Variants in SYT16 observed in about 807,000 individuals in gnomAD.
SYT16 encodes synaptotagmin-16.
In SYT16, 42 loss-of-function variants were observed where a neutral mutation model predicts 61.4. That is an observed-to-expected ratio of 0.68 (90% CI 0.53 to 0.89). The LOEUF (loss-of-function observed/expected upper bound fraction) is 0.89. Ranked by LOEUF, SYT16 falls within the 40% of genes least tolerant of loss-of-function variation. The pLI is 0.00. For missense variants in SYT16, 804 were observed against 807.3 expected (o/e 1.00, Z 0.05); for synonymous variants, 314 against 302.3 (o/e 1.04, Z -0.40).
At chr14:62,054,630 G>A (rs986642999) in intron 3 of SYT16, among the ~76,000 whole-genome samples, 9 of 152,028 alleles carry the variant, frequency 5.9e-5, no homozygotes, top group Non-Finnish European at 8.8e-5. Context: ...CCAAAGTGCT[G>A]GGATTACAGA....
intron 1 of SYT16, among the ~76,000 whole-genome samples, chr14:61,829,161 CTTG>C (rs1245342800): frequency 2.0e-5 from 3 of 152,088 alleles, no homozygotes; most frequent in Admixed American, 6.5e-5. Context: ...TTTTAGTAGA[CTTG>C]TTGGCATTCT....
At chr14:62,016,122 C>T (rs544291919) in intron 3 of SYT16, among the ~76,000 whole-genome samples, 54 of 152,242 alleles carry the variant, frequency 3.5e-4, no homozygotes, top group Admixed American at 9.8e-4. Context: ...TCTGGCAACA[C>T]CTCCTGAGCA....
chr14:61,911,949 C>G (rs2048951077), intron 1 of SYT16, among the ~76,000 whole-genome samples: 1 of 152,146 alleles, frequency 6.6e-6, no homozygotes, highest in South Asian at 2.1e-4. Context: ...TGTATTATTG[C>G]TGTAATTTAC....
At chr14:61,842,020 G>A (rs995242147) in intron 1 of SYT16, among the ~76,000 whole-genome samples, 4 of 151,790 alleles carry the variant, frequency 2.6e-5, no homozygotes, top group Non-Finnish European at 2.9e-5. Flanking sequence ...TTAATCTGTC[G>A]CAGGCTTTAA....
chr14:62,017,062 T>C (rs1351792462), intron 3 of SYT16, among the ~76,000 whole-genome samples: 1 of 152,220 alleles, frequency 6.6e-6, no homozygotes, highest in East Asian at 1.9e-4. Flanking sequence ...GAGGAGAACA[T>C]GCCCAAAGAA....
chr14:62,088,402 G>A (rs1423086920), intron 7 of SYT16, among the ~76,000 whole-genome samples: 2 of 152,186 alleles, frequency 1.3e-5, no homozygotes, highest in Non-Finnish European at 2.9e-5. Context: ...GAGAAAAAAA[G>A]CAAAGGAGTG....
intron 3 of SYT16, among the ~76,000 whole-genome samples, chr14:62,069,247 G>C (rs1404798594): frequency 6.6e-6 from 1 of 152,200 alleles, no homozygotes; most frequent in East Asian, 1.9e-4. Flanking sequence ...CTGCATATAA[G>C]GCAAATGTGC....
chr14:62,007,417 C>T (rs976410491), intron 3 of SYT16, among the ~76,000 whole-genome samples: 1 of 152,118 alleles, frequency 6.6e-6, no homozygotes, highest in African/African-American at 2.4e-5. Context: ...TATTCTGTGG[C>T]TGATTCAGAA....
chr14:62,056,925 G>C (rs2055584931), intron 3 of SYT16, among the ~76,000 whole-genome samples: 1 of 152,186 alleles, frequency 6.6e-6, no homozygotes, highest in South Asian at 2.1e-4. Context: ...AGCGAGCAGG[G>C]GGCACGGGAT....
intron 7 of SYT16, among the ~76,000 whole-genome samples, chr14:62,084,804 A>G (rs560294341): frequency 1.3e-5 from 2 of 152,190 alleles, no homozygotes; most frequent in Non-Finnish European, 2.9e-5. Flanking sequence ...ATCCTGTGCA[A>G]TTTATCCCTT....
At chr14:61,848,166 C>A (rs188184307) in intron 1 of SYT16, among the ~76,000 whole-genome samples, 242 of 152,238 alleles carry the variant, frequency 1.6e-3, no homozygotes, top group Non-Finnish European at 2.6e-3. Context: ...TTGTAGTCTT[C>A]ACTCTCTGGG....
intron 3 of SYT16, among the ~76,000 whole-genome samples, chr14:62,056,951 G>A (rs2055586810): frequency 6.6e-6 from 1 of 152,252 alleles, no homozygotes; most frequent in African/African-American, 2.4e-5. Context: ...GAGGCTCTTC[G>A]GGAGGCATGA....
At chr14:61,917,235 G>T (rs1327152382) in intron 1 of SYT16, among the ~76,000 whole-genome samples, 1 of 152,154 alleles carries the variant, frequency 6.6e-6, no homozygotes, top group Non-Finnish European at 1.5e-5. Flanking sequence ...TCCTTGCATG[G>T]ATGTCTATTG....
At chr14:61,816,697 CTCTT>C (rs934809690) in intron 1 of SYT16, among the ~76,000 whole-genome samples, 3 of 152,120 alleles carry the variant, frequency 2.0e-5, no homozygotes, top group African/African-American at 7.2e-5. Context: ...CTGCAGAGAG[CTCTT>C]TCTTTCTTAG....
chr14:61,970,995 G>A (rs573398778), intron 2 of SYT16, among the ~76,000 whole-genome samples: 2 of 151,912 alleles, frequency 1.3e-5, no homozygotes, highest in African/African-American at 4.8e-5. Context: ...CGAGGTATGG[G>A]GCATGATGTA....
intron 3 of SYT16, among the ~76,000 whole-genome samples, chr14:62,038,002 C>T (rs369362896): frequency 4.6e-4 from 70 of 152,250 alleles, no homozygotes; most frequent in African/African-American, 1.7e-3. Flanking sequence ...AGAGTCAATA[C>T]TGTTGATTAA....
At chr14:61,829,239 T>A (rs2045862909) in intron 1 of SYT16, among the ~76,000 whole-genome samples, 1 of 150,500 alleles carries the variant, frequency 6.6e-6, no homozygotes. Context: ...CACTTCCTTC[T>A]GGCCTCTATG....
chr14:62,078,172 A>ACACACACACACACACAC (rs2056576554), intron 5 of SYT16, among the ~76,000 whole-genome samples: 6 of 128,780 alleles, frequency 4.7e-5, no homozygotes, highest in Admixed American at 2.3e-4. Context: ...TATATATATA[A>ACACACACACACACACAC]ACACACACAC....
intron 3 of SYT16, among the ~76,000 whole-genome samples, chr14:62,016,539 CAAAAAAAAAAAAA>C (rs10610233): frequency 1.0e-5 from 1 of 97,298 alleles, no homozygotes; most frequent in East Asian, 2.7e-4. Flanking sequence ...TCTAAAAATA[CAAAAAAAAAAAAA>C]AAAAAAAAAA....
Sources: allele counts gnomAD v4.1 joint callset (sites outside exome capture counted in the v4.1 genomes callset), GRCh38; gene constraint gnomAD v4.1.1; transcripts MANE v1.5; gene names NCBI Gene and HGNC (gene_info 2026-07-23, HGNC 2026-07-21).